The following WNT11 variants were observed in gnomAD, a reference collection of about 807,000 sequenced individuals.
The protein encoded by WNT11 is protein Wnt-11.
Under a neutral mutation model 35.6 loss-of-function variants are expected in WNT11, and 20 were observed. The ratio of observed to expected loss-of-function variants is 0.56; its 90% CI spans 0.40 to 0.82. The LOEUF (loss-of-function observed/expected upper bound fraction) is 0.82. Ranked by LOEUF, WNT11 falls within the 40% of genes least tolerant of loss-of-function variation. The pLI, the probability that WNT11 is intolerant of heterozygous loss-of-function variation, is 0.00. For synonymous variants in WNT11, 200 were observed against 211.9 expected, an observed-to-expected ratio of 0.94 and a Z score of 0.49; for missense variants, 459 against 504.4, an observed-to-expected ratio of 0.91 and a Z score of 0.86.
rs755687846 is a variant in WNT11, at chr11:76,206,432, G to C, written c.-25C>G. ...TCGTCGCGCGGCGGGCGCGCCCGGG[G>C]TCACACCCAGGAGGAGCCGCGCCGA... On this transcript the variant is annotated 5_prime_UTR_variant, in exon 1 of 5. Coordinates refer to ENST00000322563, the MANE Select transcript of WNT11 (RefSeq NM_004626.3). 1 of 1,478,046 alleles carries C rather than the reference G, an allele frequency of 6.8e-7. No individual in the cohort carries two copies. Among genetic ancestry groups the C allele is most frequent in the Non-Finnish European group, 8.9e-7 (1 of 1,118,360 alleles). The allele number at this position is 1,478,046 out of a possible 1,614,324, so 91.6% of individuals were successfully genotyped here.
intron 1 of WNT11, among the ~76,000 whole-genome samples, chr11:76,198,180 G>C (rs557104700): frequency 6.6e-6 from 1 of 152,128 alleles, no homozygotes; most frequent in Non-Finnish European, 1.5e-5. Context: ...CTCCCCTTGC[G>C]ACCTTGAGCA....
rs1186542917 is a variant in WNT11 at position 76,194,722 on chromosome 11, G to A, written c.442C>T (p.Pro148Ser). 6.4e-7 allele frequency: 1 copy of A among 1,550,562 alleles called. No individual in the cohort carries two copies. The highest frequency in any genetic ancestry group is 8.7e-7 in the Non-Finnish European group (1 of 1,147,058). Residue 148 changes from proline (P) to serine (S), a missense_variant, in exon 3 of 5, where the codon CCC becomes TCC. Physicochemically the swap from Pro to Ser is moderately conservative, Grantham distance 74. Coordinates refer to ENST00000322563, the MANE Select transcript of WNT11 (RefSeq NM_004626.3). This position sits in a 1 kb window ranked among gnomAD's most constrained non-coding sequence, Gnocchi z 5.4. ...CCTCCCCAGCGGTTCCCGGGCCCGG[G>A]TGGCTCACCTGGGACGGGGCCGCAG... ...CSCGPVPGEPPGPGNRWGGCA... is the reference protein window; with the variant it reads ...CSCGPVPGEPSGPGNRWGGCA...
intron 1 of WNT11, among the ~76,000 whole-genome samples, chr11:76,203,746 C>T (rs1237611162): frequency 6.6e-6 from 1 of 152,230 alleles, no homozygotes; most frequent in East Asian, 1.9e-4. Context: ...GCCATGTTGG[C>T]TTTCAGTTCC....
intron 4 of WNT11, among the ~76,000 whole-genome samples, chr11:76,187,557 C>T (rs1953117149): frequency 6.6e-6 from 1 of 151,206 alleles, no homozygotes; most frequent in Non-Finnish European, 1.5e-5. Flanking sequence ...TTGACCCCCG[C>T]CTTCCCCACC....
intron 4 of WNT11, 54 bp downstream of exon 4, chr11:76,191,510 A>C (rs1215342603): frequency 1.9e-6 from 3 of 1,564,442 alleles, no homozygotes; most frequent in African/African-American, 2.7e-5. Context: ...GAGCTGGGGA[A>C]CAGTATGTGC....
At chr11:76,189,194 CT>C (rs1467871856) in intron 4 of WNT11, among the ~76,000 whole-genome samples, 2 of 152,258 alleles carry the variant, frequency 1.3e-5, no homozygotes, top group African/African-American at 2.4e-5. Context: ...CTCCTGAAGG[CT>C]CTGGCTGAGC....
Position 76,194,946 on chromosome 11 carries a change from T to A in WNT11, c.320-102A>T. ...CGCCCACACCCTGCTGTAACCAAGG[T>A]GACGCCAGCAGGGGTCGGCACTAGG... On this transcript the variant is annotated intron_variant, in intron 2 of 4. Transcript: ENST00000322563. The surrounding 1 kb of genome is among the most constrained non-coding windows in gnomAD (Gnocchi z 5.4). The A allele has an allele frequency of 7.2e-7, 1 of 1,382,386 alleles. No individual in the cohort carries two copies. Among genetic ancestry groups the A allele is most frequent in the Non-Finnish European group, 9.5e-7 (1 of 1,052,736 alleles). The allele number at this position is 1,382,386 out of a possible 1,614,324, so 85.6% of individuals were successfully genotyped here.
chr11:76,210,513 C>T (rs577656628), upstream of WNT11: 9 of 985,268 alleles, frequency 9.1e-6, no homozygotes, highest in Middle Eastern at 5.2e-4. Context: ...TGCCCGGGTG[C>T]CCCGGCCTGC....
At chr11:76,195,054 G>C (rs1331724558) in intron 2 of WNT11, 1 of 596,502 alleles carries the variant, frequency 1.7e-6, no homozygotes, top group African/African-American at 1.9e-5. Context: ...ACACCCACAG[G>C]CATGCCCTCA....
At chr11:76,193,540 C>G (rs1295498227) in intron 3 of WNT11, among the ~76,000 whole-genome samples, 1 of 152,216 alleles carries the variant, frequency 6.6e-6, no homozygotes, top group Non-Finnish European at 1.5e-5. Context: ...GAGTCCCTGG[C>G]CAGGCTCTGC....
upstream of WNT11, among the ~76,000 whole-genome samples, chr11:76,208,631 G>A (rs1953510148): frequency 6.6e-6 from 1 of 152,214 alleles, no homozygotes; most frequent in South Asian, 2.1e-4. Context: ...GCTGCAAGAG[G>A]ACGGAGGCGC....
upstream of WNT11, chr11:76,206,639 G>T: frequency 1.1e-6 from 1 of 914,164 alleles, no homozygotes; most frequent in Non-Finnish European, 1.4e-6. Context: ...CCGGCCGGGG[G>T]ACGCGTCCCG....
Position 76,194,315 on chromosome 11 carries a change from G to A in WNT11, c.597+252C>T, listed in dbSNP as rs1038960380. ...GCCAAGGCCAGAACTCAGAGCTCCT[G>A]ACTCCTAGTTCAGTGCTCCCTCTGC... is the stretch of plus-strand genomic sequence containing the variant. On this transcript the variant is annotated intron_variant, in intron 3 of 4. Coordinates refer to ENST00000322563, the MANE Select transcript of WNT11 (RefSeq NM_004626.3). This position sits in a 1 kb window ranked among gnomAD's most constrained non-coding sequence, Gnocchi z 5.4. 2.0e-5 allele frequency among the ~76,000 whole-genome samples: 3 copies of A among 151,996 alleles called. No homozygotes were observed. Among genetic ancestry groups the A allele is most frequent in the African/African-American group, 7.2e-5 (3 of 41,386 alleles).
At chr11:76,209,270 C>A (rs1331792642), upstream of WNT11, among the ~76,000 whole-genome samples, 2 of 152,100 alleles carry the variant, frequency 1.3e-5, no homozygotes, top group Non-Finnish European at 2.9e-5. Flanking sequence ...GGGAGGCGGC[C>A]GCCTGGGGCT....
At chr11:76,197,169 A>AAGCCT (rs1953301623) in intron 1 of WNT11, among the ~76,000 whole-genome samples, 1 of 152,258 alleles carries the variant, frequency 6.6e-6, no homozygotes, top group African/African-American at 2.4e-5. Context: ...ATAATTATAC[A>AAGCCT]TACTATTAAC....
chr11:76,191,432 ACT>A, intron 4 of WNT11, 130 bp downstream of exon 4: 1 of 1,090,232 alleles, frequency 9.2e-7, no homozygotes, highest in East Asian at 2.4e-5. Context: ...CCTGGGGCCA[ACT>A]CTCTCAACTG....
chr11:76,206,693 G>A (rs1191017656), upstream of WNT11, among the ~76,000 whole-genome samples: 8 of 152,324 alleles, frequency 5.3e-5, no homozygotes, highest in African/African-American at 1.7e-4. Context: ...GTCTCCCAGC[G>A]TGGCCCCGGG....
chr11:76,187,433 C>T (rs560687931), intron 4 of WNT11, among the ~76,000 whole-genome samples, 194 bp from the exon 5 acceptor site: 1 of 152,160 alleles, frequency 6.6e-6, no homozygotes, highest in Non-Finnish European at 1.5e-5. Context: ...CCCTATATTT[C>T]TAATAAGGGG....
chr11:76,210,330 G>A, upstream of WNT11: 3 of 675,514 alleles, frequency 4.4e-6, no homozygotes, highest in Non-Finnish European at 5.5e-6. Flanking sequence ...GTATGGAGGA[G>A]CGCTTGGTTT....
Sources: gnomAD v4.1 joint callset for allele counts (sites outside exome capture counted in the v4.1 genomes callset) on GRCh38, gnomAD v4.1.1 for gene constraint, Gnocchi (gnomAD v3.1) non-coding constraint, MANE v1.5 for transcripts, NCBI Gene and HGNC (gene_info 2026-07-23, HGNC 2026-07-21) for gene names.